STXBP3: variants seen among roughly 807,000 people sequenced by gnomAD.
STXBP3 encodes syntaxin-binding protein 3.
Under a neutral mutation model 85.7 loss-of-function variants are expected in STXBP3, and 41 were observed. The ratio of observed to expected loss-of-function variants is 0.48; its 90% CI spans 0.37 to 0.62. STXBP3 has a LOEUF of 0.62. STXBP3 is among the 20% of genes least tolerant of loss of function. The pLI, the probability that STXBP3 is intolerant of heterozygous loss-of-function variation, is 0.00. For missense variants in STXBP3, 563 were observed against 703.1 expected, an observed-to-expected ratio of 0.80 and a Z score of 2.25; for synonymous variants, 229 against 231.7, an observed-to-expected ratio of 0.99 and a Z score of 0.10.
At chr1:108,798,476 C>T (rs924631517) in intron 16 of STXBP3, among the ~76,000 whole-genome samples, 3 of 144,466 alleles carry the variant, frequency 2.1e-5, no homozygotes, top group African/African-American at 5.1e-5. Context: ...AGTGCAGTGG[C>T]ACAGTCTTGG....
At chr1:108,794,625 T>C (rs533037940) in intron 12 of STXBP3, among the ~76,000 whole-genome samples, 3 of 152,212 alleles carry the variant, frequency 2.0e-5, no homozygotes, top group Admixed American at 6.6e-5. Context: ...AAGATGAGAT[T>C]TAGGTGGGGA....
chr1:108,767,439 C>T (rs1662288132), intron 6 of STXBP3: 1 of 200,092 alleles, frequency 5.0e-6, no homozygotes, highest in Non-Finnish European at 1.0e-5. Flanking sequence ...AGCTTTATCA[C>T]AGGTGAATTC....
intron 15 of STXBP3, among the ~76,000 whole-genome samples, 179 bp from the exon 16 acceptor site, chr1:108,797,966 G>A (rs1453597923): frequency 1.3e-5 from 2 of 152,134 alleles, no homozygotes; most frequent in Admixed American, 6.5e-5. Context: ...ACAAAATACT[G>A]TTCAGTGGAG....
At chr1:108,789,779 T>G (rs1450896496) in intron 11 of STXBP3, among the ~76,000 whole-genome samples, 1 of 152,046 alleles carries the variant, frequency 6.6e-6, no homozygotes, top group African/African-American at 2.4e-5. Flanking sequence ...AGACTTGATT[T>G]ATGGGGCTGG....
intron 6 of STXBP3, among the ~76,000 whole-genome samples, chr1:108,765,175 A>G (rs1256373398): frequency 6.6e-6 from 1 of 152,202 alleles, no homozygotes; most frequent in African/African-American, 2.4e-5. Flanking sequence ...GTCGAATATC[A>G]GATGGTTGTA....
chr1:108,796,158 C>G, intron 13 of STXBP3, 76 bp from the exon 14 acceptor site: 2 of 1,509,874 alleles, frequency 1.3e-6, no homozygotes. Context: ...CCACTGTACC[C>G]AGCCAATAAT....
intron 6 of STXBP3, among the ~76,000 whole-genome samples, chr1:108,769,140 A>G (rs1662329054): frequency 6.6e-6 from 1 of 152,230 alleles, no homozygotes; most frequent in East Asian, 1.9e-4. Flanking sequence ...AAGCTAGAGA[A>G]AAGAAAATGT....
intron 17 of STXBP3, among the ~76,000 whole-genome samples, chr1:108,807,111 G>GTGT (rs1663353217): frequency 6.6e-6 from 1 of 152,088 alleles, no homozygotes; most frequent in African/African-American, 2.4e-5. Flanking sequence ...AATTAGCTGG[G>GTGT]CATGGTGGCA....
intron 8 of STXBP3, among the ~76,000 whole-genome samples, chr1:108,777,019 A>AGTCTTTGAT (rs1662607670): frequency 6.6e-6 from 1 of 152,180 alleles, no homozygotes; most frequent in South Asian, 2.1e-4. Context: ...TAATATAATC[A>AGTCTTTGAT]AAGACTAAGG....
At position 108,756,785 on chromosome 1, in the gene STXBP3, TA is replaced by T; in HGVS notation, c.258+24del. 1 of 1,554,902 alleles carries T rather than the reference TA, an allele frequency of 6.4e-7. No homozygotes were observed. Among genetic ancestry groups the T allele is most frequent in the Non-Finnish European group, 8.7e-7 (1 of 1,143,740 alleles). ...ATCAAAGGTGAGTATTTTGAGACCT[TA>T]AAAAGCAGGTTCATCAATATTTCAC... On this transcript the variant is annotated intron_variant, in intron 4 of 18. Transcript: ENST00000370008.
At chr1:108,781,374 A>G (rs1179444958) in intron 9 of STXBP3, 1 of 152,174 alleles carries the variant, frequency 6.6e-6, no homozygotes, top group Non-Finnish European at 1.5e-5. Flanking sequence ...TGACTCAGGA[A>G]ATCAGTAGTT....
intron 12 of STXBP3, among the ~76,000 whole-genome samples, chr1:108,794,152 A>G (rs1663040947): frequency 1.3e-5 from 2 of 152,222 alleles, no homozygotes; most frequent in Non-Finnish European, 2.9e-5. Context: ...TAAATAGAAT[A>G]TGAACTTGAA....
Position 108,778,830 on chromosome 1 carries a change from C to T in STXBP3, c.685-456C>T, listed in dbSNP as rs116021768. The stretch of plus-strand genomic sequence containing the variant: ...CAGAGGAGGGTTGGTTCCAGGACCT[C>T]CTGTGTATACCAAAATCCACACATA... On this transcript the variant is annotated intron_variant, in intron 8 of 18. Coordinates refer to ENST00000370008, the MANE Select transcript of STXBP3 (RefSeq NM_007269.4). 7.5e-3 allele frequency among the ~76,000 whole-genome samples: 1,140 copies of T among 152,266 alleles called. 13 individuals carry two copies. Among genetic ancestry groups the T allele is most frequent in the African/African-American group, 0.026 (1,090 of 41,550 alleles).
intron 1 of STXBP3, among the ~76,000 whole-genome samples, chr1:108,749,393 G>A (rs1030743331): frequency 2.6e-5 from 4 of 152,120 alleles, no homozygotes; most frequent in African/African-American, 9.7e-5. Flanking sequence ...GTGGAAAATC[G>A]AAAGATTAAT....
intron 6 of STXBP3, among the ~76,000 whole-genome samples, chr1:108,766,463 A>G (rs1444018684): frequency 6.6e-6 from 1 of 152,156 alleles, no homozygotes; most frequent in Non-Finnish European, 1.5e-5. Flanking sequence ...TTAAGCCAGA[A>G]CATATACGTT....
At position 108,782,596 on chromosome 1, in the gene STXBP3, TC is replaced by T. The variant is rs1662739428; in HGVS notation, c.906-52del. ...GTACATTTTGTAACCTTAAAATAGT[TC>T]TGTAAAGAATTACATCTTAGAAATT... On this transcript the variant is annotated intron_variant, in intron 10 of 18. Coordinates refer to ENST00000370008, the MANE Select transcript of STXBP3 (RefSeq NM_007269.4). The T allele has an allele frequency of 1.9e-5, 30 of 1,598,410 alleles. No individual in the cohort carries two copies. The South Asian group carries it at 3.3e-4, about 18-fold the overall frequency.
Position 108,787,340 on chromosome 1 carries a change from T to C in STXBP3, c.963+4634T>C, listed in dbSNP as rs960852852. ...TAGTGTCTTCCTTTCTAAATTAATC[T>C]TCCAGAGGTGTCCAAAGGAGAGAAT... On this transcript the variant is annotated intron_variant, in intron 11 of 18. Transcript: ENST00000370008. 2.8e-4 allele frequency among the ~76,000 whole-genome samples: 42 copies of C among 152,198 alleles called. 2 individuals carry two copies. The highest frequency in any genetic ancestry group is 2.9e-5 in the Non-Finnish European group (2 of 68,044).
chr1:108,793,156 C>CCTTTTTTTTTCT (rs1663011929), intron 11 of STXBP3, among the ~76,000 whole-genome samples: 1 of 69,328 alleles, frequency 1.4e-5, no homozygotes. Context: ...CTCTTATCTC[C>CCTTTTTTTTTCT]ATTTTTTTTT....
chr1:108,808,687 C>T, intron 18 of STXBP3, 96 bp from the exon 19 acceptor site: 2 of 938,996 alleles, frequency 2.1e-6, no homozygotes, highest in South Asian at 1.4e-5. Context: ...CCCCAGGCTA[C>T]TGCACTTTAC....
Sources: gnomAD v4.1 joint callset for allele counts (sites outside exome capture counted in the v4.1 genomes callset) on GRCh38, gnomAD v4.1.1 for gene constraint, MANE v1.5 for transcripts, NCBI Gene and HGNC (gene_info 2026-07-23, HGNC 2026-07-21) for gene names.